DNM3: variants seen among roughly 807,000 people sequenced by gnomAD.
DNM3 encodes the protein dynamin-3.
DNM3 carries 47 observed loss-of-function variants against 101.6 expected under a neutral mutation model. That is an observed-to-expected ratio of 0.46 (90% confidence interval 0.37 to 0.59). The LOEUF (loss-of-function observed/expected upper bound fraction) is 0.59. Ranked by LOEUF, DNM3 falls within the 20% of genes least tolerant of loss-of-function variation. The pLI, the probability that DNM3 is intolerant of heterozygous loss-of-function variation, is 0.00. For synonymous variants in DNM3, 385 were observed against 387.9 expected (o/e 0.99, Z 0.09); for missense variants, 849 against 1,085.7 (o/e 0.78, Z 3.06).
chr1:172,306,982 C>T (rs1161409590), intron 15 of DNM3, among the ~76,000 whole-genome samples: 3 of 152,184 alleles, frequency 2.0e-5, no homozygotes, highest in Non-Finnish European at 2.9e-5. Context: ...GACTTCATGT[C>T]TAAAACACCA....
chr1:171,945,168 C>G (rs777853099), intron 2 of DNM3, among the ~76,000 whole-genome samples: 6 of 151,848 alleles, frequency 4.0e-5, no homozygotes, highest in African/African-American at 1.5e-4. Flanking sequence ...CTGTGCCTGG[C>G]CTATATTAAC....
At chr1:172,309,721 A>T (rs2065000619) in intron 16 of DNM3, 1 of 152,212 alleles carries the variant, frequency 6.6e-6, no homozygotes, top group Non-Finnish European at 1.5e-5. Flanking sequence ...GGTTCAAAAT[A>T]GGGAGAGAGT....
Position 172,129,276 on chromosome 1 carries a change from G to A in DNM3, c.1546-1899G>A, listed in dbSNP as rs76684932. ...AGTTTGATTGTATGTGTGCATGCAC[G>A]GGCTTCAAGCTTCATTGTGAATAAG... On this transcript the variant is annotated intron_variant, in intron 13 of 20. Coordinates refer to ENST00000627582, the MANE Select transcript of DNM3 (RefSeq NM_015569.5). 7.0e-3 allele frequency among the ~76,000 whole-genome samples: 1,062 copies of A among 152,254 alleles called. 12 individuals carry two copies. The highest frequency in any genetic ancestry group is 0.024 in the African/African-American group (996 of 41,530).
intron 17 of DNM3, among the ~76,000 whole-genome samples, chr1:172,370,900 T>A (rs2068286667): frequency 1.3e-5 from 2 of 151,996 alleles, no homozygotes; most frequent in African/African-American, 2.4e-5. Context: ...CTAGGAACAT[T>A]TCAGAGAAAG....
chr1:172,212,119 C>A (rs2060534295), intron 14 of DNM3, among the ~76,000 whole-genome samples: 1 of 151,814 alleles, frequency 6.6e-6, no homozygotes, highest in Admixed American at 6.6e-5. Context: ...GTTGTAATGT[C>A]AAACAAAAAG....
chr1:172,323,370 TG>T lies in DNM3; in HGVS notation c.1893+31del, dbSNP rs1265016258. 6 of 1,603,570 alleles carry T rather than the reference TG, an allele frequency of 3.7e-6. No homozygotes were observed. In the African/African-American group the frequency reaches 6.7e-5, roughly 18 times the overall value. Reference sequence around the variant, plus strand: ...GTTATTTGTCCTCTTGCAGCTCTTCTGTCCCCCCAGCCCCTGCTCCGCTCCT... The same window carrying T: ...GTTATTTGTCCTCTTGCAGCTCTTCTTCCCCCCAGCCCCTGCTCCGCTCCT... On this transcript the variant is annotated intron_variant, in intron 17 of 20. Transcript: ENST00000627582.
intron 17 of DNM3, among the ~76,000 whole-genome samples, chr1:172,327,823 G>T (rs901347061): frequency 2.0e-5 from 3 of 152,012 alleles, no homozygotes; most frequent in Admixed American, 2.0e-4. Flanking sequence ...GCCTCAAAGT[G>T]TTATTTTAGT....
chr1:171,997,425 T>G (rs2046073816), intron 4 of DNM3, among the ~76,000 whole-genome samples: 1 of 152,160 alleles, frequency 6.6e-6, no homozygotes, highest in African/African-American at 2.4e-5. Flanking sequence ...CTTGATTTGC[T>G]TCAGGACTAT....
chr1:172,233,075 T>G (rs1483648644), intron 14 of DNM3, among the ~76,000 whole-genome samples: 2 of 152,064 alleles, frequency 1.3e-5, no homozygotes, highest in Non-Finnish European at 2.9e-5. Context: ...ACAAAAACCC[T>G]TCAAAAAATC....
intron 2 of DNM3, among the ~76,000 whole-genome samples, chr1:171,929,091 G>T (rs993173068): frequency 6.6e-6 from 1 of 152,070 alleles, no homozygotes; most frequent in Non-Finnish European, 1.5e-5. Flanking sequence ...TTAGAAAAGC[G>T]GTCTGGCTAT....
intron 13 of DNM3, among the ~76,000 whole-genome samples, chr1:172,103,845 A>G (rs968883478): frequency 2.0e-5 from 3 of 152,180 alleles, no homozygotes; most frequent in African/African-American, 4.8e-5. Context: ...TACTAAAAAT[A>G]CAAAAATTAG....
Position 172,365,968 on chromosome 1 carries a change from G to T in DNM3, c.1894-13050G>T, listed in dbSNP as rs150830552. Among the ~76,000 whole-genome samples the T allele has an allele frequency of 2.4e-3, 359 of 152,094 alleles. 3 individuals are homozygous for T. Among genetic ancestry groups the T allele is most frequent in the African/African-American group, 8.1e-3 (336 of 41,534 alleles). ...GCTAGTGCCAGATAAAGTGGCTAATGCCTGTAATCTCAGCTAGTTCAGAGG... is the reference window on the plus strand; with the variant it reads ...GCTAGTGCCAGATAAAGTGGCTAATTCCTGTAATCTCAGCTAGTTCAGAGG... On this transcript the variant is annotated intron_variant, in intron 17 of 20. Coordinates refer to ENST00000627582, the MANE Select transcript of DNM3 (RefSeq NM_015569.5).
intron 14 of DNM3, among the ~76,000 whole-genome samples, chr1:172,152,961 C>T (rs10911116): frequency 0.24 from 36,772 of 152,006 alleles, 4,965 homozygotes; most frequent in East Asian, 0.44. Context: ...AGTGTTTCGG[C>T]GCCCAGAGCA....
At chr1:172,271,939 TGATA>T (rs2063104147) in intron 15 of DNM3, among the ~76,000 whole-genome samples, 1 of 152,138 alleles carries the variant, frequency 6.6e-6, no homozygotes, top group Admixed American at 6.6e-5. Context: ...ACGCCCATGG[TGATA>T]GATATGAGTT....
At chr1:172,226,144 G>C (rs1237253290) in intron 14 of DNM3, among the ~76,000 whole-genome samples, 1 of 152,040 alleles carries the variant, frequency 6.6e-6, no homozygotes, top group African/African-American at 2.4e-5. Context: ...TCATAGAAAA[G>C]AAAATGCTGG....
intron 1 of DNM3, among the ~76,000 whole-genome samples, chr1:171,911,068 G>A (rs577892156): frequency 6.6e-6 from 1 of 152,056 alleles, no homozygotes; most frequent in South Asian, 2.1e-4. Context: ...TTTGCGTGGG[G>A]GAATCATGGA....
chr1:172,395,039 G>T (rs2149096520), intron 20 of DNM3, among the ~76,000 whole-genome samples: 1 of 152,242 alleles, frequency 6.6e-6, no homozygotes, highest in East Asian at 1.9e-4. Flanking sequence ...GTTATTTCTT[G>T]TTTTAACGAC....
chr1:172,118,992 ATT>A (rs761175849), intron 13 of DNM3, among the ~76,000 whole-genome samples: 21 of 139,926 alleles, frequency 1.5e-4, no homozygotes, highest in Admixed American at 2.1e-4. Flanking sequence ...CTAGTTGTTA[ATT>A]TTTTTTTTTT....
intron 1 of DNM3, among the ~76,000 whole-genome samples, chr1:171,920,241 C>T (rs1286407363): frequency 6.6e-6 from 1 of 152,210 alleles, no homozygotes; most frequent in Non-Finnish European, 1.5e-5. Context: ...TTGGAGCATT[C>T]TCACTGTCCT....
Sources: allele counts gnomAD v4.1 joint callset (sites outside exome capture counted in the v4.1 genomes callset), GRCh38; gene constraint gnomAD v4.1.1; transcripts MANE v1.5; gene names NCBI Gene and HGNC (gene_info 2026-07-23, HGNC 2026-07-21).